The following DCHS1 variants were observed in gnomAD, a reference collection of about 807,000 sequenced individuals.
The protein encoded by DCHS1 is protocadherin-16.
Under a neutral mutation model 213.9 loss-of-function variants are expected in DCHS1, and 78 were observed. That is an observed-to-expected ratio of 0.36 (90% CI 0.30 to 0.44). The LOEUF (loss-of-function observed/expected upper bound fraction) is 0.44. Among genes scored for constraint, DCHS1 ranks in the 20% least tolerant of loss-of-function variants. The probability of loss-of-function intolerance (pLI) is 1.00; values close to 1 mark genes in which losing one functional copy is unlikely to be tolerated. For synonymous variants in DCHS1, 1,828 were observed against 1,873.7 expected (o/e 0.98, Z 0.63); for missense variants, 3,946 against 4,395.9 (o/e 0.90, Z 2.89).
intron 2 of DCHS1, among the ~76,000 whole-genome samples, chr11:6,636,393 A>G (rs895754618): frequency 1.3e-5 from 2 of 151,850 alleles, no homozygotes; most frequent in South Asian, 2.1e-4. Context: ...TATTTTTTGC[A>G]TAGACAGTGT....
rs374270843 is a variant in DCHS1 at position 6,623,360 on chromosome 11, G to A, written c.8316C>T (p.Pro2772=). 114 of 1,597,340 alleles carry A rather than the reference G, an allele frequency of 7.1e-5. 1 individual carries two copies. In the Middle Eastern group the frequency reaches 8.2e-4, roughly 12 times the overall value. The change falls in exon 21 of 21, where the codon CCC becomes CCT. Residue 2772 remains proline, a synonymous_variant. Transcript: ENST00000299441. Reference sequence around the variant, plus strand: ...AGCTTTCTGTGTGCTCATAGTCAAAGGGCACTCGCGCACGCAACTCCCCTG... The same window carrying A: ...AGCTTTCTGTGTGCTCATAGTCAAAAGGCACTCGCGCACGCAACTCCCCTG... ...SSTGELRARV[P]FDYEHTESFR...
chr11:6,652,976 G>A (rs1297731318), intron 1 of DCHS1, among the ~76,000 whole-genome samples: 4 of 152,124 alleles, frequency 2.6e-5, no homozygotes, highest in Non-Finnish European at 5.9e-5. Context: ...CTTCTTCTCA[G>A]GCTCTTTCTC....
In DCHS1 at chr11:6,628,248, T is replaced by C. The variant is rs1345559003; in HGVS notation, c.5371+373A>G. On this transcript the variant is annotated intron_variant, in intron 13 of 20. Coordinates refer to ENST00000299441, the MANE Select transcript of DCHS1 (RefSeq NM_003737.4). The surrounding 1 kb of genome is among the most constrained non-coding windows in gnomAD (Gnocchi z 4.3). ...ACTTCATTGGCTTGTTTCACAATCA[T>C]ATTTTAACATCATCTCAGTTTTATT... Among the ~76,000 whole-genome samples, 1 of 152,252 alleles carries C rather than the reference T, an allele frequency of 6.6e-6. No homozygotes were observed. The highest frequency in any genetic ancestry group is 1.5e-5 in the Non-Finnish European group (1 of 68,046).
rs749498283 is a variant in DCHS1 at position 6,633,045 on chromosome 11, G to A, written c.2467C>T (p.Pro823Ser). 8.1e-6 allele frequency: 13 copies of A among 1,605,132 alleles called. No individual in the cohort carries two copies. In the South Asian group the frequency reaches 1.4e-4, roughly 18 times the overall value. ...CCACCTGATAGGGAAAGGGTCACAG[G>A]TGCCAAGCGACCTAGGGAGGATGAA... ...QAHNPPGRLA[P>S]VTLSLSGGDP... Residue 823 changes from proline to serine, a missense_variant, in exon 6 of 21, where the codon CCT becomes TCT. Pro to Ser is a moderately conservative substitution (Grantham distance 74, BLOSUM62 -1). This residue lies in a region of DCHS1 where 3,384 missense variants were observed against 3,780.1 expected (regional missense o/e 0.90). Coordinates refer to ENST00000299441, the MANE Select transcript of DCHS1 (RefSeq NM_003737.4).
intron 1 of DCHS1, among the ~76,000 whole-genome samples, chr11:6,654,489 T>C (rs1856286958): frequency 6.6e-6 from 1 of 152,140 alleles, no homozygotes; most frequent in Non-Finnish European, 1.5e-5. Flanking sequence ...CCATGGTATG[T>C]GTTGGCCTTG....
rs754481910 is a variant in DCHS1 at position 6,628,830 on chromosome 11, A to G, written c.5162T>C (p.Val1721Ala). 1 of 1,612,082 alleles carries G rather than the reference A, an allele frequency of 6.2e-7. No individual in the cohort carries two copies. The highest frequency in any genetic ancestry group is 8.5e-7 in the Non-Finnish European group (1 of 1,179,044). The change falls in exon 13 of 21, where the codon GTG becomes GCG. Residue 1721 changes from valine to alanine, a missense_variant and splice_region_variant. Val to Ala is a moderately conservative substitution (Grantham distance 64, BLOSUM62 0). Around this residue, in one of 3 missense-constraint regions of DCHS1, gnomAD observed 3,384 missense variants for 3,780.1 expected, o/e 0.90. Transcript: ENST00000299441. This position sits in a 1 kb window ranked among gnomAD's most constrained non-coding sequence, Gnocchi z 4.3. ...REEQEEINLT[V>A]YAQDRGSPPQ... ...AGGTGAGCCCCTGTCCTGGGCATACACTGTGGGGAAGCAAAATCAATGAGG... is the reference window on the plus strand; with the variant it reads ...AGGTGAGCCCCTGTCCTGGGCATACGCTGTGGGGAAGCAAAATCAATGAGG...
chr11:6,655,331 G>C (rs1239885429), intron 1 of DCHS1, among the ~76,000 whole-genome samples: 1 of 151,364 alleles, frequency 6.6e-6, no homozygotes, highest in Non-Finnish European at 1.5e-5. Flanking sequence ...CCCGGCGCAC[G>C]CTCCCGCCGC....
Position 6,640,820 on chromosome 11 carries a change from G to A in DCHS1, c.794C>T (p.Ser265Phe). 4 of 1,614,088 alleles carry A rather than the reference G, an allele frequency of 2.5e-6. No individual in the cohort carries two copies. The highest frequency in any genetic ancestry group is 3.4e-6 in the Non-Finnish European group (4 of 1,179,906). ...AGGACTGCCAGGGGCCAGGCTCTCA[G>A]ACACCACAGCATGGTAGCGGCTCTG... ...FNQSRYHAVV[S>F]ESLAPGSPVL... is the part of the protein sequence containing the mutation. The change falls in exon 2 of 21, where the codon TCT becomes TTT. Residue 265 changes from serine (S) to phenylalanine (F), a missense_variant. Ser to Phe is a radical substitution (Grantham distance 155). Around this residue, in one of 3 missense-constraint regions of DCHS1, gnomAD observed 3,384 missense variants for 3,780.1 expected, o/e 0.90. Transcript: ENST00000299441. The surrounding 1 kb of genome is among the most constrained non-coding windows in gnomAD (Gnocchi z 6.5).
Position 6,647,940 on chromosome 11 carries a change from G to A in DCHS1, c.-120-6207C>T, listed in dbSNP as rs1301368559. ...AGGATACAGACATGAAAGATGTGAG[G>A]AGGTGAAGGTAAGAAGACTTGGTCA... On this transcript the variant is annotated intron_variant, in intron 1 of 20. Coordinates refer to ENST00000299441, the MANE Select transcript of DCHS1 (RefSeq NM_003737.4). Among the ~76,000 whole-genome samples the A allele has an allele frequency of 2.0e-5, 3 of 152,170 alleles. No individual in the cohort carries two copies. The East Asian group carries it at 5.8e-4, about 29-fold the overall frequency.
rs1315854108 is a variant in DCHS1 at position 6,630,464 on chromosome 11, C to G, written c.4330G>C (p.Ala1444Pro). Residue 1444 changes from alanine (A) to proline (P), a missense_variant, in exon 10 of 21, where the codon GCG becomes CCG. Coordinates refer to ENST00000299441, the MANE Select transcript of DCHS1 (RefSeq NM_003737.4). The part of the protein sequence containing the change: ...PAFARDPLAL[A>P]LPENPEPGAA... ...CCGGGCTCCGGGTTCTCTGGCAGCG[C>G]CAGCGCCAGCGGGTCGCGCGCAAAG... 3 of 1,522,554 alleles carry G rather than the reference C, an allele frequency of 2.0e-6. No individual in the cohort carries two copies. The highest frequency in any genetic ancestry group is 1.8e-6 in the Non-Finnish European group (2 of 1,140,768). 94.3% of individuals were successfully genotyped at this position (1,522,554 alleles called of 1,614,324 possible).
intron 1 of DCHS1, 126 bp downstream of exon 1, chr11:6,655,437 C>T (rs1336980922): frequency 1.8e-5 from 11 of 595,922 alleles, no homozygotes; most frequent in South Asian, 1.5e-4. Flanking sequence ...AGGCCCAGGC[C>T]CCCCCTCCCC....
rs1276862258 is a variant in DCHS1, at chr11:6,626,249, C to T, written c.6496G>A (p.Asp2166Asn). ...VLTLTLQDAN[D>N]NAPRFLRPHY... ...GGCCGCAGGAAACGGGGAGCATTGTCGTTGGCATCTTGCAGGGTCAGGGTC... is the reference window on the plus strand; with the variant it reads ...GGCCGCAGGAAACGGGGAGCATTGTTGTTGGCATCTTGCAGGGTCAGGGTC... Residue 2166 changes from aspartate to asparagine, a missense_variant, in exon 16 of 21, where the codon GAC becomes AAC. Coordinates refer to ENST00000299441, the MANE Select transcript of DCHS1 (RefSeq NM_003737.4). The surrounding 1 kb of genome is among the most constrained non-coding windows in gnomAD (Gnocchi z 5.2). 1.9e-6 allele frequency: 3 copies of T among 1,612,588 alleles called. No individual in the cohort carries two copies. The highest frequency in any genetic ancestry group is 2.5e-6 in the Non-Finnish European group (3 of 1,179,284).
At position 6,628,687 on chromosome 11, in the gene DCHS1, G is replaced by C; in HGVS notation, c.5305C>G (p.Leu1769Val). ...EVPEGQDPQT[L>V]TMLRASDPDV... ...GGATCAGAGGCCCGAAGCATGGTAA[G>C]GGTCTGGGGGTCCTGGCCCTCAGGC... Residue 1769 changes from leucine to valine, a missense_variant, in exon 13 of 21, where the codon CTT becomes GTT. Physicochemically the swap from Leu to Val is conservative, Grantham distance 32. Around this residue, in one of 3 missense-constraint regions of DCHS1, gnomAD observed 3,384 missense variants for 3,780.1 expected, o/e 0.90. Transcript: ENST00000299441. The surrounding 1 kb of genome is among the most constrained non-coding windows in gnomAD (Gnocchi z 4.3). The C allele has an allele frequency of 1.1e-5, 18 of 1,614,048 alleles. No homozygotes were observed. Among genetic ancestry groups the C allele is most frequent in the Non-Finnish European group, 1.5e-5 (18 of 1,179,896 alleles).
chr11:6,628,852 G>C lies in DCHS1; in HGVS notation c.5162-22C>G, dbSNP rs1341988441. 1.2e-6 allele frequency: 2 copies of C among 1,603,176 alleles called. No individual in the cohort carries two copies. Among genetic ancestry groups the C allele is most frequent in the Non-Finnish European group, 1.7e-6 (2 of 1,174,304 alleles). ...TACACTGTGGGGAAGCAAAATCAAT[G>C]AGGTCTAGTCTGCCCTCACCACATG... On this transcript the variant is annotated intron_variant, in intron 12 of 20. Coordinates refer to ENST00000299441, the MANE Select transcript of DCHS1 (RefSeq NM_003737.4). The surrounding 1 kb of genome is among the most constrained non-coding windows in gnomAD (Gnocchi z 4.3).
chr11:6,621,783 A>G lies in DCHS1; in HGVS notation c.9893T>C (p.Ile3298Thr). 1 of 1,582,794 alleles carries G rather than the reference A, an allele frequency of 6.3e-7. No individual in the cohort carries two copies. Among genetic ancestry groups the G allele is most frequent in the South Asian group, 1.2e-5 (1 of 86,618 alleles). Residue 3298 changes from isoleucine to threonine, a missense_variant, in exon 21 of 21, where the codon ATC becomes ACC. By Grantham distance (89) the Ile-to-Thr change is moderately conservative (BLOSUM62 -1). This residue lies in a region of DCHS1 where 554 missense variants were observed against 590.2 expected (regional missense o/e 0.94). Coordinates refer to ENST00000299441, the MANE Select transcript of DCHS1 (RefSeq NM_003737.4). ...GGGGCCCAGCCTGGGCCACAGCTAG[A>G]TGTGCAGCTCCGTGTCATCAGGTGG... ...LEPPDDTELH[I>T]
rs951256878 is a variant in DCHS1, at chr11:6,623,415, C to T, written c.8261G>A (p.Gly2754Asp). Residue 2754 changes from glycine (G) to aspartate (D), a missense_variant, in exon 21 of 21, where the codon GGC becomes GAC. Coordinates refer to ENST00000299441, the MANE Select transcript of DCHS1 (RefSeq NM_003737.4). ...GCTGTTCAGTGCAAATGCCTCACGG[C>T]CCTCAGGTCCTGGCCCAGCCTCCAA... ...SLLEAGPGPEGREAFALNSST... is the reference protein window; with the variant it reads ...SLLEAGPGPEDREAFALNSST... 1.9e-6 allele frequency: 3 copies of T among 1,590,844 alleles called. No individual in the cohort carries two copies. Among genetic ancestry groups the T allele is most frequent in the Non-Finnish European group, 2.6e-6 (3 of 1,168,662 alleles).
intron 1 of DCHS1, among the ~76,000 whole-genome samples, chr11:6,650,818 C>T (rs1260001795): frequency 2.0e-5 from 3 of 152,114 alleles, no homozygotes; most frequent in East Asian, 3.9e-4. Flanking sequence ...ACTTCTGGTA[C>T]TTCTTAAATA....
chr11:6,624,389 C>T lies in DCHS1; in HGVS notation c.7287G>A (p.Gly2429=). Reference sequence around the variant, plus strand: ...CTGTTCCCACTATTGTGAACAGGGTCCCTGAGATGAGAACGGAAGGGAAAG... The same window carrying T: ...CTGTTCCCACTATTGTGAACAGGGTTCCTGAGATGAGAACGGAAGGGAAAG... ...ADGFSVDPNN[G]TLFTIVGTVA... Residue 2429 remains glycine (G), a splice_region_variant and synonymous_variant, in exon 21 of 21, where the codon GGG becomes GGA. Transcript: ENST00000299441. 1 of 1,551,808 alleles carries T rather than the reference C, an allele frequency of 6.4e-7. No homozygotes were observed.
At chr11:6,646,847 C>G (rs1285640993) in intron 1 of DCHS1, among the ~76,000 whole-genome samples, 4 of 152,174 alleles carry the variant, frequency 2.6e-5, no homozygotes, top group Admixed American at 2.6e-4. Context: ...TTCCCTCACA[C>G]CCCCAGCCTG....
Sources: gnomAD v4.1 joint callset for allele counts (sites outside exome capture counted in the v4.1 genomes callset) on GRCh38, gnomAD v4.1.1 for gene constraint, gnomAD v4.1.1 regional missense constraint, Gnocchi (gnomAD v3.1) non-coding constraint, MANE v1.5 for transcripts, NCBI Gene and HGNC (gene_info 2026-07-23, HGNC 2026-07-21) for gene names.